HSPH1: variants seen among roughly 807,000 people sequenced by gnomAD.
The protein encoded by HSPH1 is heat shock protein family H (Hsp110) member 1.
A neutral mutation model predicts 100.0 loss-of-function variants in HSPH1; 40 were observed. The observed-to-expected ratio is 0.40, with a 90% CI of 0.31 to 0.52. The LOEUF is 0.52. Among genes scored for constraint, HSPH1 ranks in the 20% least tolerant of loss-of-function variants. The pLI, the probability that HSPH1 is intolerant of heterozygous loss-of-function variation, is 0.54. For synonymous variants in HSPH1, 403 were observed against 344.0 expected (o/e 1.17, Z -1.90); for missense variants, 876 against 1,015.1 (o/e 0.86, Z 1.86).
At chr13:31,139,436 A>T (rs1230502165) in intron 14 of HSPH1, among the ~76,000 whole-genome samples, 1 of 152,084 alleles carries the variant, frequency 6.6e-6, no homozygotes, top group Non-Finnish European at 1.5e-5. Context: ...ACAATCACTG[A>T]ACACATGAAA....
At chr13:31,155,750 C>T (rs1174939590) in intron 2 of HSPH1, 96 bp from the exon 3 acceptor site, 3 of 1,085,818 alleles carry the variant, frequency 2.8e-6, no homozygotes, top group Non-Finnish European at 4.0e-6. Context: ...CAACTCAAAC[C>T]AATCCTATGA....
intron 12 of HSPH1, 30 bp downstream of exon 12, chr13:31,143,762 C>T: frequency 1.3e-6 from 2 of 1,578,296 alleles, no homozygotes; most frequent in South Asian, 2.3e-5. Context: ...GCAACATTGT[C>T]TAATGGAATG....
intron 4 of HSPH1, among the ~76,000 whole-genome samples, chr13:31,153,230 A>C (rs1252553644): frequency 6.6e-6 from 1 of 152,238 alleles, no homozygotes; most frequent in Non-Finnish European, 1.5e-5. Flanking sequence ...AGACATATTC[A>C]AAGTTACATA....
chr13:31,155,723 T>C lies in HSPH1; in HGVS notation c.166-69A>G, dbSNP rs559323855. 9 of 1,373,858 alleles carry C rather than the reference T, an allele frequency of 6.6e-6. No homozygotes were observed. In the African/African-American group the frequency reaches 1.3e-4, roughly 20 times the overall value. 85.1% of individuals were successfully genotyped at this position (1,373,858 alleles called of 1,614,324 possible). On this transcript the variant is annotated intron_variant, in intron 2 of 17. Transcript: ENST00000320027. ...ACCACCTACCAGTAATTTTAGTAAT[T>C]TTATTTATTCACTTTACAACTCAAA...
chr13:31,154,517 C>T (rs1293971629), intron 4 of HSPH1, 116 bp downstream of exon 4: 7 of 1,155,482 alleles, frequency 6.1e-6, no homozygotes, highest in Non-Finnish European at 9.1e-6. Context: ...TAATACAGTC[C>T]AGTAGAACAC....
chr13:31,143,778 G>C lies in HSPH1; in HGVS notation c.1716+14C>G. ...CAACATTGTCTAATGGAATGAACTA[G>C]AAGAGTCACTCACTTTGTCAGCATC... On this transcript the variant is annotated intron_variant, in intron 12 of 17. Coordinates refer to ENST00000320027, the MANE Select transcript of HSPH1 (RefSeq NM_006644.4). 6.2e-7 allele frequency: 1 copy of C among 1,601,004 alleles called. No homozygotes were observed. The highest frequency in any genetic ancestry group is 1.1e-5 in the South Asian group (1 of 89,006).
Position 31,140,318 on chromosome 13 carries a change from A to G in HSPH1, c.1855-9T>C. On this transcript the variant is annotated splice_polypyrimidine_tract_variant and intron_variant, in intron 13 of 17. Coordinates refer to ENST00000320027, the MANE Select transcript of HSPH1 (RefSeq NM_006644.4). ...TGCATTATCATCTTACCCTGTCAGG[A>G]AACAGGAAAGGTTAATTCCAGTCTT... 2 of 1,607,018 alleles carry G rather than the reference A, an allele frequency of 1.2e-6. No homozygotes were observed. The highest frequency in any genetic ancestry group is 1.1e-5 in the South Asian group (1 of 90,808).
chr13:31,151,412 A>G, intron 6 of HSPH1, 197 bp downstream of exon 6: 2 of 673,300 alleles, frequency 3.0e-6, no homozygotes, highest in Non-Finnish European at 4.8e-6. Context: ...TTTCCTAAAC[A>G]AGAACACTTA....
chr13:31,158,344 T>C (rs1395154681), intron 2 of HSPH1, among the ~76,000 whole-genome samples: 1 of 150,986 alleles, frequency 6.6e-6, no homozygotes, highest in Non-Finnish European at 1.5e-5. Flanking sequence ...AGCTCAGGAG[T>C]TCGAGATCAG....
chr13:31,158,605 G>T (rs562323411), intron 2 of HSPH1, among the ~76,000 whole-genome samples: 1 of 144,268 alleles, frequency 6.9e-6, no homozygotes, highest in Non-Finnish European at 1.5e-5. Context: ...AGTTAAAGTC[G>T]ATCTTAATAA....
intron 14 of HSPH1, among the ~76,000 whole-genome samples, 184 bp downstream of exon 14, chr13:31,140,000 T>C (rs1167858508): frequency 1.3e-5 from 2 of 152,058 alleles, no homozygotes; most frequent in Non-Finnish European, 2.9e-5. Flanking sequence ...TGAAGAGTTT[T>C]GGGGGTAGGC....
At chr13:31,158,701 AATAC>A in intron 2 of HSPH1, 101 bp downstream of exon 2, 3 of 712,280 alleles carry the variant, frequency 4.2e-6, no homozygotes, top group Middle Eastern at 4.9e-4. Flanking sequence ...AAAACTCAAA[AATAC>A]ATAAACTTAG....
Position 31,136,478 on chromosome 13 carries a change from A to AT in HSPH1, c.*839dup, listed in dbSNP as rs1459284174. The AT allele has an allele frequency of 1.3e-5, 2 of 152,242 alleles. No homozygotes were observed. The highest frequency in any genetic ancestry group is 4.8e-5 in the African/African-American group (2 of 41,446). 9.4% of individuals were successfully genotyped at this position (152,242 alleles called of 1,614,324 possible). ...TGCTTTAATGTAATAAACATATGCTATTTTTCTGTCAGGAGAAAAACATTT... is the reference window on the plus strand; with the variant it reads ...TGCTTTAATGTAATAAACATATGCTATTTTTTCTGTCAGGAGAAAAACATTT... On this transcript the variant is annotated 3_prime_UTR_variant, in exon 18 of 18. Transcript: ENST00000320027.
chr13:31,154,304 T>C (rs899436387), intron 4 of HSPH1: 3 of 346,794 alleles, frequency 8.7e-6, no homozygotes, highest in Non-Finnish European at 1.6e-5. Flanking sequence ...TAGAATTCTT[T>C]CACCTGTGAA....
rs1465184189 is a variant in HSPH1 at position 31,138,565 on chromosome 13, C to T, written c.2212G>A (p.Glu738Lys). The change falls in exon 17 of 18, where the codon GAG becomes AAG. Residue 738 changes from glutamate to lysine, a missense_variant. Transcript: ENST00000320027. ...KIAADFRNKDEKYNHIDESEM... is the reference protein window; with the variant it reads ...KIAADFRNKDKKYNHIDESEM... ...GACTCATCAATATGGTTGTATTTCT[C>T]ATCCTGAACAAAAATAACACGGTCA... 1 of 1,603,562 alleles carries T rather than the reference C, an allele frequency of 6.2e-7. No homozygotes were observed. Among genetic ancestry groups the T allele is most frequent in the Admixed American group, 1.8e-5 (1 of 57,118 alleles).
chr13:31,147,341 C>T (rs774997066), intron 10 of HSPH1, among the ~76,000 whole-genome samples: 10 of 152,122 alleles, frequency 6.6e-5, no homozygotes, highest in Non-Finnish European at 1.2e-4. Flanking sequence ...AGGTTGGACT[C>T]CTTCAAACAA....
Position 31,156,028 on chromosome 13 carries a change from G to T in HSPH1, c.166-374C>A, listed in dbSNP as rs532759361. ...ATTCCTTTTTTTCCCTGCTAAACTT[G>T]TGAGGTTTTATACCCAATGAATGAA... On this transcript the variant is annotated intron_variant, in intron 2 of 17. Coordinates refer to ENST00000320027, the MANE Select transcript of HSPH1 (RefSeq NM_006644.4). Among the ~76,000 whole-genome samples, 3 of 152,214 alleles carry T rather than the reference G, an allele frequency of 2.0e-5. No homozygotes were observed. In the South Asian group the frequency reaches 6.2e-4, roughly 32 times the overall value.
At chr13:31,145,396 A>G (rs1448736418) in intron 11 of HSPH1, among the ~76,000 whole-genome samples, 167 bp downstream of exon 11, 1 of 152,208 alleles carries the variant, frequency 6.6e-6, no homozygotes, top group African/African-American at 2.4e-5. Context: ...CCAAATTTCA[A>G]GCTGTGTATT....
chr13:31,159,427 G>A (rs1363014026), intron 1 of HSPH1, among the ~76,000 whole-genome samples: 2 of 152,170 alleles, frequency 1.3e-5, no homozygotes, highest in Non-Finnish European at 2.9e-5. Context: ...TGCACAACAA[G>A]TACCATGGCA....
Sources: gnomAD v4.1 joint callset for allele counts (sites outside exome capture counted in the v4.1 genomes callset) on GRCh38, gnomAD v4.1.1 for gene constraint, MANE v1.5 for transcripts, NCBI Gene and HGNC (gene_info 2026-07-23, HGNC 2026-07-21) for gene names.